SYNPR: variants seen among roughly 807,000 people sequenced by gnomAD.
The protein encoded by SYNPR is synaptoporin.
In SYNPR, 23 loss-of-function variants were observed where a neutral mutation model predicts 32.9. That is an observed-to-expected ratio of 0.70 (90% CI 0.50 to 0.99). SYNPR has a LOEUF of 0.99. SYNPR is among the 50% of genes least tolerant of loss of function. The pLI, the probability that SYNPR is intolerant of heterozygous loss-of-function variation, is 0.00. For missense variants in SYNPR, 318 were observed against 349.3 expected (o/e 0.91, Z 0.71); for synonymous variants, 146 against 135.9 (o/e 1.07, Z -0.52).
At chr3:63,604,679 T>C (rs1429996278) in intron 4 of SYNPR, among the ~76,000 whole-genome samples, 1 of 152,222 alleles carries the variant, frequency 6.6e-6, no homozygotes, top group Non-Finnish European at 1.5e-5. Flanking sequence ...CTGATTTCTA[T>C]TTTTATTGCT....
At chr3:63,230,142 G>T (rs75347407) in intron 1 of SYNPR, among the ~76,000 whole-genome samples, 5,434 of 152,088 alleles carry the variant, frequency 0.036, 309 homozygotes, top group African/African-American at 0.12. Context: ...AGGATAATCT[G>T]GTAAAGTTGG....
intron 2 of SYNPR, chr3:63,443,514 G>A (rs1206388825): frequency 2.5e-6 from 4 of 1,588,942 alleles, no homozygotes; most frequent in Non-Finnish European, 3.4e-6. Context: ...GTGGGGATAT[G>A]TGTGTGCATG....
intron 2 of SYNPR, among the ~76,000 whole-genome samples, chr3:63,267,087 C>T (rs184697961): frequency 1.3e-3 from 205 of 152,174 alleles, no homozygotes; most frequent in African/African-American, 4.7e-3. Flanking sequence ...GCACTGAGCT[C>T]GTTGAGAACC....
At chr3:63,520,284 G>T (rs1701881119) in intron 3 of SYNPR, among the ~76,000 whole-genome samples, 1 of 152,114 alleles carries the variant, frequency 6.6e-6, no homozygotes, top group African/African-American at 2.4e-5. Context: ...GGAATTCTGG[G>T]GTCCAGTTGG....
intron 2 of SYNPR, among the ~76,000 whole-genome samples, chr3:63,435,497 G>A (rs9859415): frequency 0.016 from 2,371 of 152,244 alleles, 54 homozygotes; most frequent in African/African-American, 0.046. Flanking sequence ...TTCAAATGCA[G>A]TCATGTTCAG....
intron 3 of SYNPR, among the ~76,000 whole-genome samples, chr3:63,523,294 T>C (rs936261303): frequency 5.3e-5 from 8 of 152,096 alleles, no homozygotes; most frequent in Non-Finnish European, 7.4e-5. Flanking sequence ...CCTTGCACTA[T>C]GGTGTGGGAG....
intron 2 of SYNPR, among the ~76,000 whole-genome samples, chr3:63,462,170 A>ACTAGCTC (rs1700595464): frequency 6.6e-6 from 1 of 151,974 alleles, no homozygotes; most frequent in African/African-American, 2.4e-5. Flanking sequence ...TCTTTTCAAG[A>ACTAGCTC]CTAGCTCCTT....
chr3:63,473,599 G>C (rs145025394), intron 2 of SYNPR, among the ~76,000 whole-genome samples: 17 of 152,300 alleles, frequency 1.1e-4, no homozygotes, highest in Middle Eastern at 3.4e-3. Context: ...GTCTGCTCGT[G>C]TTAAAAAATA....
At chr3:63,570,906 A>G (rs1448831229) in intron 4 of SYNPR, among the ~76,000 whole-genome samples, 1 of 152,144 alleles carries the variant, frequency 6.6e-6, no homozygotes, top group Admixed American at 6.6e-5. Flanking sequence ...TTGCTCATCT[A>G]CTCAACACAC....
chr3:63,259,452 A>C, intron 2 of SYNPR, among the ~76,000 whole-genome samples: 1 of 151,808 alleles, frequency 6.6e-6, no homozygotes, highest in South Asian at 2.1e-4. Flanking sequence ...CCAGCATATA[A>C]ACAGAACCAA....
chr3:63,456,339 G>T (rs577242964), intron 2 of SYNPR, among the ~76,000 whole-genome samples: 74 of 152,140 alleles, frequency 4.9e-4, no homozygotes, highest in Non-Finnish European at 6.2e-4. Context: ...TTCACACTCC[G>T]AGCAAGGAGC....
chr3:63,416,457 G>C (rs537772140), intron 2 of SYNPR, among the ~76,000 whole-genome samples: 1 of 150,886 alleles, frequency 6.6e-6, no homozygotes, highest in African/African-American at 2.4e-5. Flanking sequence ...GCTTGAACCC[G>C]GGACGTGGAG....
intron 4 of SYNPR, among the ~76,000 whole-genome samples, chr3:63,604,097 CA>C (rs1190552369): frequency 6.6e-6 from 1 of 152,038 alleles, no homozygotes; most frequent in Admixed American, 6.6e-5. Flanking sequence ...GGAATTTGTC[CA>C]TGTCTTCTAG....
intron 2 of SYNPR, among the ~76,000 whole-genome samples, chr3:63,315,846 C>T (rs1486833348): frequency 3.3e-5 from 5 of 151,902 alleles, no homozygotes; most frequent in Admixed American, 3.3e-4. Context: ...TTTAACTTTT[C>T]CAAATTCAGT....
At chr3:63,286,036 A>G (rs2086677162) in intron 2 of SYNPR, among the ~76,000 whole-genome samples, 1 of 152,230 alleles carries the variant, frequency 6.6e-6, no homozygotes, top group Non-Finnish European at 1.5e-5. Flanking sequence ...TGCAAGTTAA[A>G]GTCTTGGCAA....
chr3:63,579,317 A>G (rs1703048427), intron 4 of SYNPR, among the ~76,000 whole-genome samples: 1 of 152,086 alleles, frequency 6.6e-6, no homozygotes, highest in Admixed American at 6.6e-5. Flanking sequence ...TCTTCCCCAG[A>G]TATTCACATG....
At chr3:63,204,684 AT>A in the SYNPR span, among the ~76,000 whole-genome samples, 108 of 149,718 alleles carry the variant, frequency 7.2e-4, no homozygotes, top group African/African-American at 1.6e-3. Context: ...TCCTCGAGTG[AT>A]TTTTTTTTTC....
chr3:63,383,817 G>A (rs2088006348), intron 2 of SYNPR, among the ~76,000 whole-genome samples: 1 of 152,068 alleles, frequency 6.6e-6, no homozygotes, highest in Non-Finnish European at 1.5e-5. Flanking sequence ...GCTGGCAGTG[G>A]TGACTTTAGT....
At chr3:63,599,231 T>C (rs1365933502) in intron 4 of SYNPR, among the ~76,000 whole-genome samples, 1 of 152,198 alleles carries the variant, frequency 6.6e-6, no homozygotes, top group Non-Finnish European at 1.5e-5. Flanking sequence ...ATAATCACTC[T>C]ATTTTAAAAA....
Sources: gnomAD v4.1 joint callset for allele counts (sites outside exome capture counted in the v4.1 genomes callset) on GRCh38, gnomAD v4.1.1 for gene constraint, MANE v1.5 for transcripts, NCBI Gene and HGNC (gene_info 2026-07-23, HGNC 2026-07-21) for gene names.